SEMA5A: variants seen among roughly 807,000 people sequenced by gnomAD.
SEMA5A encodes the protein semaphorin-5A.
Under a neutral mutation model 135.5 loss-of-function variants are expected in SEMA5A, and 55 were observed. That is an observed-to-expected ratio of 0.41 (90% CI 0.33 to 0.51). SEMA5A has a LOEUF of 0.51. Ranked by LOEUF, SEMA5A falls within the 20% of genes least tolerant of loss-of-function variation. The probability of loss-of-function intolerance (pLI) is 0.37; values close to 1 mark genes in which losing one functional copy is unlikely to be tolerated. For synonymous variants in SEMA5A, 580 were observed against 546.5 expected, an observed-to-expected ratio of 1.06 and a Z score of -0.85; for missense variants, 1,290 against 1,419.9, an observed-to-expected ratio of 0.91 and a Z score of 1.47.
chr5:9,535,772 A>G (rs1056372657), intron 1 of SEMA5A, among the ~76,000 whole-genome samples: 7 of 152,284 alleles, frequency 4.6e-5, no homozygotes, highest in African/African-American at 1.7e-4. Flanking sequence ...TTTTCCCACC[A>G]GGAACCAGGA....
chr5:9,051,923 C>A lies in SEMA5A; in HGVS notation c.2795G>T (p.Gly932Val). The stretch of plus-strand genomic sequence containing the variant: ...ACACGGCCGGCTCTCCGTGGTGTTC[C>A]CGGAGCACTGGCTGCCCATGGGGAA... Reference protein sequence around the residue: ...LLFPMGSQCSGNTTESRPCVF... With the variant: ...LLFPMGSQCSVNTTESRPCVF... Residue 932 changes from glycine (G) to valine (V), a missense_variant, in exon 20 of 23, where the codon GGG becomes GTG. By Grantham distance (109) the Gly-to-Val change is moderately radical (BLOSUM62 -3). This residue lies in a region of SEMA5A where 1,029 missense variants were observed against 1,086.6 expected (regional missense o/e 0.95). Transcript: ENST00000382496. 6.2e-7 allele frequency: 1 copy of A among 1,614,140 alleles called. No individual in the cohort carries two copies. The highest frequency in any genetic ancestry group is 8.5e-7 in the Non-Finnish European group (1 of 1,180,026).
intron 8 of SEMA5A, among the ~76,000 whole-genome samples, chr5:9,202,793 A>G (rs961323529): frequency 6.6e-6 from 1 of 152,148 alleles, no homozygotes; most frequent in African/African-American, 2.4e-5. Context: ...CTAAAACTAT[A>G]AGGTGTGTCT....
intron 5 of SEMA5A, among the ~76,000 whole-genome samples, chr5:9,317,927 T>C (rs1159385966): frequency 6.6e-6 from 1 of 152,242 alleles, no homozygotes; most frequent in South Asian, 2.1e-4. Context: ...CCCTTTATTC[T>C]TTGTTATAGA....
intron 11 of SEMA5A, among the ~76,000 whole-genome samples, chr5:9,156,172 C>T (rs183234552): frequency 2.0e-5 from 3 of 152,288 alleles, no homozygotes; most frequent in East Asian, 3.9e-4. Context: ...AGCAAATTCA[C>T]AGTTCACAGA....
At chr5:9,123,163 A>G (rs554422371) in intron 13 of SEMA5A, among the ~76,000 whole-genome samples, 1 of 144,914 alleles carries the variant, frequency 6.9e-6, no homozygotes, top group South Asian at 2.3e-4. Flanking sequence ...CTGAGGCAGG[A>G]GAATGGTGTG....
chr5:9,237,808 C>T lies in SEMA5A; in HGVS notation c.333+20G>A, dbSNP rs766500348. 40 of 1,612,136 alleles carry T rather than the reference C, an allele frequency of 2.5e-5. No individual in the cohort carries two copies. The highest frequency in any genetic ancestry group is 3.3e-5 in the Non-Finnish European group (39 of 1,178,482). On this transcript the variant is annotated intron_variant, in intron 6 of 22. Coordinates refer to ENST00000382496, the MANE Select transcript of SEMA5A (RefSeq NM_003966.3). ...CCTTCAAGACAGGGTGATGGCTGCT[C>T]ATAATTGCATTCTTCTTACCTTTGA...
chr5:9,518,720 G>C (rs981691600), intron 1 of SEMA5A, among the ~76,000 whole-genome samples: 1 of 152,014 alleles, frequency 6.6e-6, no homozygotes, highest in African/African-American at 2.4e-5. Context: ...CTTTTCAGAC[G>C]AGCTTGTGCA....
chr5:9,195,197 G>T (rs1029115678), intron 10 of SEMA5A, among the ~76,000 whole-genome samples: 2 of 152,148 alleles, frequency 1.3e-5, no homozygotes, highest in African/African-American at 4.8e-5. Flanking sequence ...TAGAGACAGG[G>T]TCTTGCTCTG....
chr5:9,074,479 A>G (rs575857154), intron 16 of SEMA5A, among the ~76,000 whole-genome samples: 2 of 152,316 alleles, frequency 1.3e-5, no homozygotes, highest in South Asian at 2.1e-4. Context: ...TAAAATAAAA[A>G]AAACAATTAA....
chr5:9,142,417 A>T (rs1378195869), intron 12 of SEMA5A, among the ~76,000 whole-genome samples: 1 of 152,188 alleles, frequency 6.6e-6, no homozygotes, highest in Non-Finnish European at 1.5e-5. Context: ...AGAAATGGGC[A>T]GAGTCCTTGG....
chr5:9,188,731 G>A (rs1207771666), intron 11 of SEMA5A, among the ~76,000 whole-genome samples: 1 of 100,212 alleles, frequency 1.0e-5, no homozygotes, highest in Non-Finnish European at 1.8e-5. Flanking sequence ...GGGTACCCTG[G>A]GGAAAATTAA....
chr5:9,163,578 A>G (rs1743416684), intron 11 of SEMA5A, among the ~76,000 whole-genome samples: 1 of 152,214 alleles, frequency 6.6e-6, no homozygotes, highest in Non-Finnish European at 1.5e-5. Flanking sequence ...AATATGCCTT[A>G]TACTAAGATA....
intron 16 of SEMA5A, among the ~76,000 whole-genome samples, chr5:9,103,893 G>T (rs1390395546): frequency 6.6e-6 from 1 of 152,098 alleles, no homozygotes; most frequent in Non-Finnish European, 1.5e-5. Context: ...CTATGCTCAT[G>T]ATGATCTCCT....
intron 5 of SEMA5A, among the ~76,000 whole-genome samples, chr5:9,285,534 C>G (rs1750754702): frequency 6.6e-6 from 1 of 152,154 alleles, no homozygotes; most frequent in Non-Finnish European, 1.5e-5. Context: ...CTATACTTGC[C>G]CCATTAAAAC....
At chr5:9,440,468 C>A (rs572780541) in intron 1 of SEMA5A, among the ~76,000 whole-genome samples, 294 of 152,314 alleles carry the variant, frequency 1.9e-3, no homozygotes, top group Middle Eastern at 3.4e-3. Flanking sequence ...TTTAGCTTAG[C>A]TTTAACCTTG....
chr5:9,330,081 C>G (rs1753053950), intron 4 of SEMA5A, among the ~76,000 whole-genome samples: 3 of 151,714 alleles, frequency 2.0e-5, no homozygotes, highest in Admixed American at 2.0e-4. Flanking sequence ...TTGCTTATAA[C>G]TAAATAGATA....
chr5:9,056,227 C>T (rs745989682), intron 18 of SEMA5A, among the ~76,000 whole-genome samples: 1 of 152,144 alleles, frequency 6.6e-6, no homozygotes, highest in East Asian at 1.9e-4. Context: ...TGAAAAGATG[C>T]TCAGCATCAT....
intron 1 of SEMA5A, among the ~76,000 whole-genome samples, chr5:9,454,526 G>A (rs1758760066): frequency 6.6e-6 from 1 of 152,212 alleles, no homozygotes; most frequent in Non-Finnish European, 1.5e-5. Context: ...AGTTAAACCA[G>A]TACAGAACAG....
intron 1 of SEMA5A, among the ~76,000 whole-genome samples, chr5:9,452,592 G>A (rs1267868761): frequency 2.0e-5 from 3 of 152,136 alleles, no homozygotes; most frequent in Non-Finnish European, 4.4e-5. Context: ...AAGTCAAGGT[G>A]AGCCCCCGCA....
Sources: gnomAD v4.1 joint callset for allele counts (sites outside exome capture counted in the v4.1 genomes callset) on GRCh38, gnomAD v4.1.1 for gene constraint, gnomAD v4.1.1 regional missense constraint, MANE v1.5 for transcripts, NCBI Gene and HGNC (gene_info 2026-07-23, HGNC 2026-07-21) for gene names.